Variants in RPL31 observed in about 807,000 individuals in gnomAD.
The protein encoded by RPL31 is large ribosomal subunit protein eL31.
For missense variants in RPL31, 95 were observed against 164.0 expected (o/e 0.58, Z 2.30); for synonymous variants, 51 against 55.0 (o/e 0.93, Z 0.32).
downstream of RPL31, chr2:101,008,298 A>G: frequency 1.3e-6 from 2 of 1,490,302 alleles, no homozygotes; most frequent in East Asian, 2.3e-5. Flanking sequence ...AGTCTTAGGT[A>G]GCAGCAGAAC....
downstream of RPL31, chr2:101,010,897 A>AT: frequency 6.6e-7 from 1 of 1,505,582 alleles, no homozygotes; most frequent in Non-Finnish European, 9.1e-7. Flanking sequence ...AAAAAAAAAA[A>AT]GTTAATTCTC....
downstream of RPL31, among the ~76,000 whole-genome samples, chr2:101,009,970 C>T (rs1214670386): frequency 2.6e-5 from 4 of 151,842 alleles, no homozygotes; most frequent in Non-Finnish European, 4.4e-5. Flanking sequence ...TACAGGCGCC[C>T]GCCACCACGT....
At chr2:101,018,207 G>C in intron 4 of RPL31, 1 of 307,160 alleles carries the variant, frequency 3.3e-6, no homozygotes, top group Non-Finnish European at 6.0e-6. Flanking sequence ...TTATAACACT[G>C]ACTAAACATC....
At chr2:101,011,182 TG>T, downstream of RPL31, 1 of 758,418 alleles carries the variant, frequency 1.3e-6, no homozygotes, top group South Asian at 1.8e-5. Flanking sequence ...GGAGAGCCAG[TG>T]GGTGGTAACT....
chr2:101,011,006 T>A (rs1141419), downstream of RPL31: 2 of 1,612,872 alleles, frequency 1.2e-6, no homozygotes, highest in South Asian at 1.1e-5. Flanking sequence ...TTCAGCTGTT[T>A]CTGATAATCA....
intron 3 of RPL31, chr2:101,004,526 G>C: frequency 2.1e-6 from 1 of 477,516 alleles, no homozygotes; most frequent in Admixed American, 3.8e-5. Flanking sequence ...GCATTGCAGA[G>C]AGAGGAAGCT....
At chr2:101,009,790 C>T (rs1325450837), downstream of RPL31, among the ~76,000 whole-genome samples, 1 of 151,454 alleles carries the variant, frequency 6.6e-6, no homozygotes, top group Admixed American at 6.6e-5. Flanking sequence ...GTCCACAGCA[C>T]CAAAATGACT....
intron 4 of RPL31, among the ~76,000 whole-genome samples, chr2:101,015,029 A>AT (rs1228782759): frequency 6.6e-6 from 1 of 152,072 alleles, no homozygotes; most frequent in East Asian, 1.9e-4. Flanking sequence ...TCATTAGGTG[A>AT]TTTTGTCATT....
At chr2:101,012,415 C>G (rs1423917775) in intron 4 of RPL31, among the ~76,000 whole-genome samples, 2 of 151,852 alleles carry the variant, frequency 1.3e-5, no homozygotes, top group African/African-American at 4.9e-5. Flanking sequence ...GTCTTGAAAA[C>G]ATCATGCTAG....
chr2:101,002,338 G>A (rs1321666528), intron 1 of RPL31, 23 bp downstream of exon 1: 4 of 218,174 alleles, frequency 1.8e-5, no homozygotes, highest in Admixed American at 5.6e-5. Context: ...GGCGGAGTCT[G>A]GGCTCCTGGA....
intron 4 of RPL31, among the ~76,000 whole-genome samples, chr2:101,014,829 T>A (rs141849092): frequency 6.6e-6 from 1 of 152,210 alleles, no homozygotes; most frequent in Non-Finnish European, 1.5e-5. Context: ...TGGGTATAAC[T>A]TGAGTGCCAA....
downstream of RPL31, chr2:101,008,229 A>G (rs771628687): frequency 7.5e-6 from 12 of 1,598,936 alleles, no homozygotes; most frequent in East Asian, 2.5e-4. Context: ...CTGGATCTTC[A>G]TGGAACATAC....
At chr2:101,012,924 C>T (rs1186723137) in intron 4 of RPL31, among the ~76,000 whole-genome samples, 2 of 152,194 alleles carry the variant, frequency 1.3e-5, no homozygotes, top group Non-Finnish European at 2.9e-5. Context: ...TGTAAGAATC[C>T]ACTCAAACTG....
At chr2:101,017,108 G>A (rs1405639924) in intron 4 of RPL31, among the ~76,000 whole-genome samples, 1 of 150,248 alleles carries the variant, frequency 6.7e-6, no homozygotes, top group East Asian at 2.0e-4. Context: ...ACGCACATTA[G>A]CCTAGGCCTA....
intron 1 of RPL31, 123 bp downstream of exon 1, chr2:101,002,438 G>A: frequency 1.9e-6 from 1 of 520,484 alleles, no homozygotes; most frequent in Non-Finnish European, 3.5e-6. Context: ...GGGGAGATGG[G>A]AATACACCCT....
At chr2:101,005,493 T>C (rs1678693112) in intron 3 of RPL31, 1 of 155,252 alleles carries the variant, frequency 6.4e-6, no homozygotes, top group Non-Finnish European at 1.4e-5. Flanking sequence ...GCATTTTTAG[T>C]AGAGAGGGGT....
chr2:101,013,696 T>C (rs1034828099), intron 4 of RPL31, among the ~76,000 whole-genome samples: 1 of 152,230 alleles, frequency 6.6e-6, no homozygotes, highest in Non-Finnish European at 1.5e-5. Context: ...TCATTGCCAC[T>C]GCCATCTTCC....
downstream of RPL31, among the ~76,000 whole-genome samples, chr2:101,008,795 G>A (rs1163302580): frequency 2.0e-5 from 3 of 148,746 alleles, no homozygotes; most frequent in African/African-American, 7.5e-5. Flanking sequence ...TGGGCAACAA[G>A]AGTAAAACTT....
chr2:101,017,365 A>G (rs1047473354), intron 4 of RPL31, among the ~76,000 whole-genome samples: 4 of 152,214 alleles, frequency 2.6e-5, no homozygotes, highest in Non-Finnish European at 4.4e-5. Flanking sequence ...ATTACCCAGT[A>G]TTAGGTGTTA....
Sources: gnomAD v4.1 joint callset for allele counts (sites outside exome capture counted in the v4.1 genomes callset) on GRCh38, gnomAD v4.1.1 for gene constraint, MANE v1.5 for transcripts, NCBI Gene and HGNC (gene_info 2026-07-23, HGNC 2026-07-21) for gene names.